CNBP: variants seen among roughly 807,000 people sequenced by gnomAD.
The protein encoded by CNBP is cellular nucleic acid-binding protein.
CNBP carries 6 observed loss-of-function variants against 21.2 expected under a neutral mutation model. The observed-to-expected ratio is 0.28, with a 90% CI of 0.16 to 0.56. The LOEUF is 0.56. Ranked by LOEUF, CNBP falls within the 20% of genes least tolerant of loss-of-function variation. CNBP has a pLI of 0.93. For synonymous variants in CNBP, 61 were observed against 74.9 expected (o/e 0.81, Z 0.96); for missense variants, 112 against 233.1 (o/e 0.48, Z 3.38).
Position 129,169,455 on chromosome 3 carries a change from G to A in CNBP, c.*998C>T. On this transcript the variant is annotated 3_prime_UTR_variant, in exon 5 of 5. Transcript: ENST00000422453. ...TTTCATTATTGAAGACATGACTTAA[G>A]TACAAAAAGAAAAGTCCAAACTGTC... is the stretch of plus-strand genomic sequence containing the variant. 1 of 194,858 alleles carries A rather than the reference G, an allele frequency of 5.1e-6. No individual in the cohort carries two copies. The highest frequency in any genetic ancestry group is 1.1e-5 in the Non-Finnish European group (1 of 93,600). The allele number at this position is 194,858 out of a possible 1,614,324, so 12.1% of individuals were successfully genotyped here.
chr3:129,178,158 CAAAAAA>C (rs368723690), intron 1 of CNBP, among the ~76,000 whole-genome samples: 101 of 103,864 alleles, frequency 9.7e-4, no homozygotes, highest in African/African-American at 2.2e-3. Flanking sequence ...GACTCTGTCT[CAAAAAA>C]AAAAAAAAAA....
chr3:129,181,797 T>C (rs551550975), intron 1 of CNBP, among the ~76,000 whole-genome samples: 120 of 152,164 alleles, frequency 7.9e-4, no homozygotes, highest in African/African-American at 2.9e-3. Flanking sequence ...CAAACTGTTA[T>C]TTTTTTAAAG....
rs10587328 is a variant in CNBP at position 129,181,239 on chromosome 3, C to CAAAAAAAAAA, written c.-15+2527_-15+2536dup. 2.5e-3 allele frequency among the ~76,000 whole-genome samples: 132 copies of CAAAAAAAAAA among 53,176 alleles called. 2 individuals carry two copies. Among genetic ancestry groups the CAAAAAAAAAA allele is most frequent in the African/African-American group, 8.8e-3 (105 of 11,900 alleles). 34.9% of individuals were successfully genotyped at this position (53,176 alleles called of 152,430 possible). A position where few individuals can be genotyped will look rare whatever the true frequency, so the allele number is the denominator to read the frequency against. On this transcript the variant is annotated intron_variant, in intron 1 of 4. Coordinates refer to ENST00000422453, the MANE Select transcript of CNBP (RefSeq NM_003418.5). ...TGGCCGACAGAGAAAGACTCTGTCT[C>CAAAAAAAAAA]AAAAAAAAAAAAAAAAAAAAAAAAA...
At chr3:129,176,826 T>C (rs1937937490) in intron 1 of CNBP, among the ~76,000 whole-genome samples, 1 of 152,214 alleles carries the variant, frequency 6.6e-6, no homozygotes, top group Admixed American at 6.5e-5. Context: ...TAATTTTTTT[T>C]TAAATCCACT....
chr3:129,178,031 T>C (rs557322971), intron 1 of CNBP, among the ~76,000 whole-genome samples: 3 of 151,898 alleles, frequency 2.0e-5, no homozygotes, highest in African/African-American at 7.3e-5. Flanking sequence ...TGGTGGTGCA[T>C]GCCTGTAATC....
chr3:129,179,068 G>A (rs963921575), intron 1 of CNBP, among the ~76,000 whole-genome samples: 4 of 151,954 alleles, frequency 2.6e-5, no homozygotes, highest in Non-Finnish European at 5.9e-5. Context: ...ACCAAAGGTC[G>A]GGAGCTCAGG....
At chr3:129,170,633 A>G (rs2107632682) in intron 4 of CNBP, 63 bp from the exon 5 acceptor site, 1 of 1,293,440 alleles carries the variant, frequency 7.7e-7, no homozygotes, top group East Asian at 2.3e-5. Flanking sequence ...CCAAAGCAAC[A>G]GTCACCATGC....
rs1476876313 is a variant in CNBP, at chr3:129,168,052, G to A, written c.*2401C>T. Among the ~76,000 whole-genome samples the A allele has an allele frequency of 2.0e-5, 3 of 152,094 alleles. No individual in the cohort carries two copies. The highest frequency in any genetic ancestry group is 4.4e-5 in the Non-Finnish European group (3 of 68,038). On this transcript the variant is annotated 3_prime_UTR_variant, in exon 5 of 5. Coordinates refer to ENST00000422453, the MANE Select transcript of CNBP (RefSeq NM_003418.5). ...TGAATCACTATACCATGAACTGACA[G>A]AACCCTGCATGAAGGATGAAAAACT...
intron 4 of CNBP, 79 bp downstream of exon 4, chr3:129,171,000 G>A (rs1397814845): frequency 3.5e-6 from 5 of 1,416,298 alleles, no homozygotes; most frequent in East Asian, 2.3e-5. Flanking sequence ...ATTTACTAAG[G>A]CCCTTCCATT....
rs1292623867 is a variant in CNBP at position 129,168,722 on chromosome 3, G to C, written c.*1731C>G. Among the ~76,000 whole-genome samples, 3 of 151,024 alleles carry C rather than the reference G, an allele frequency of 2.0e-5. No homozygotes were observed. Among genetic ancestry groups the C allele is most frequent in the African/African-American group, 7.3e-5 (3 of 41,122 alleles). ...CGCACCTGTAACACTAGCACTTTGG[G>C]GGGCGGGGCAGGTGGATCACCTGAG... On this transcript the variant is annotated 3_prime_UTR_variant, in exon 5 of 5. Transcript: ENST00000422453.
chr3:129,172,601 CAGGCAGA>C (rs1469296069), intron 1 of CNBP, among the ~76,000 whole-genome samples: 3 of 27,420 alleles, frequency 1.1e-4, no homozygotes, highest in African/African-American at 2.4e-4. Context: ...GGCAGGCAGG[CAGGCAGA>C]CAGGCAGACA....
intron 1 of CNBP, among the ~76,000 whole-genome samples, chr3:129,176,126 CATG>C (rs1264552235): frequency 2.6e-5 from 4 of 152,146 alleles, no homozygotes; most frequent in Non-Finnish European, 5.9e-5. Flanking sequence ...TACAGAATTC[CATG>C]ATATTCCTTA....
In CNBP at chr3:129,178,808, T is replaced by C. The variant is rs549469971; in HGVS notation, c.-15+4968A>G. Among the ~76,000 whole-genome samples the C allele has an allele frequency of 2.4e-4, 37 of 151,878 alleles. No individual in the cohort carries two copies. In the South Asian group the frequency reaches 6.2e-3, roughly 26 times the overall value. The stretch of plus-strand genomic sequence containing the variant: ...CCCAGGCTGGAGTGCAGTGGCACGA[T>C]CTCGGCTCACTGCAAGCTCCACCTC... On this transcript the variant is annotated intron_variant, in intron 1 of 4. Coordinates refer to ENST00000422453, the MANE Select transcript of CNBP (RefSeq NM_003418.5).
chr3:129,183,047 G>A (rs890638953), intron 1 of CNBP, among the ~76,000 whole-genome samples: 2 of 152,030 alleles, frequency 1.3e-5, no homozygotes, highest in African/African-American at 2.4e-5. Context: ...GGCCTCCGGG[G>A]TTCACGCGAT....
chr3:129,172,584 G>A (rs551116088), intron 1 of CNBP, among the ~76,000 whole-genome samples: 10 of 21,682 alleles, frequency 4.6e-4, no homozygotes, highest in Non-Finnish European at 1.3e-3. Context: ...AGACAGGCAG[G>A]CAGGCAGGCA....
At chr3:129,179,106 C>T (rs1209821333) in intron 1 of CNBP, among the ~76,000 whole-genome samples, 4 of 151,840 alleles carry the variant, frequency 2.6e-5, no homozygotes, top group East Asian at 1.9e-4. Flanking sequence ...GGAGAAATCC[C>T]GTCTCTACTA....
rs573557631 is a variant in CNBP at position 129,174,278 on chromosome 3, T to C, written c.-14-2507A>G. ...AGTATCTGCTTTGTAATCATTCTTT[T>C]AACTGTACTAGTATTAGCATCCTAA... On this transcript the variant is annotated intron_variant, in intron 1 of 4. Transcript: ENST00000422453. Among the ~76,000 whole-genome samples, 26 of 145,020 alleles carry C rather than the reference T, an allele frequency of 1.8e-4. No homozygotes were observed. The South Asian group carries it at 2.0e-3, about 11-fold the overall frequency.
chr3:129,183,119 TTTTTA>T (rs1348377088), intron 1 of CNBP, among the ~76,000 whole-genome samples: 1 of 152,064 alleles, frequency 6.6e-6, no homozygotes, highest in Non-Finnish European at 1.5e-5. Flanking sequence ...CCCGGCTAAT[TTTTTA>T]TTTTTAGTAC....
intron 1 of CNBP, among the ~76,000 whole-genome samples, chr3:129,174,364 A>C (rs1010853751): frequency 5.4e-5 from 8 of 148,104 alleles, no homozygotes; most frequent in Admixed American, 6.8e-5. Flanking sequence ...AAAAAAAAAA[A>C]AAAAAAAAAA....
Sources: gnomAD v4.1 joint callset for allele counts (sites outside exome capture counted in the v4.1 genomes callset) on GRCh38, gnomAD v4.1.1 for gene constraint, MANE v1.5 for transcripts, NCBI Gene and HGNC (gene_info 2026-07-23, HGNC 2026-07-21) for gene names.